The following SYNE2 variants were observed in gnomAD, a reference collection of about 807,000 sequenced individuals.
SYNE2 encodes the protein nesprin-2.
SYNE2 carries 431 observed loss-of-function variants against 856.3 expected under a neutral mutation model. The ratio of observed to expected loss-of-function variants is 0.50; its 90% CI spans 0.47 to 0.55. The LOEUF (loss-of-function observed/expected upper bound fraction) is 0.55. Ranked by LOEUF, SYNE2 falls within the 20% of genes least tolerant of loss-of-function variation. The pLI, the probability that SYNE2 is intolerant of heterozygous loss-of-function variation, is 0.00. For synonymous variants in SYNE2, 2,923 were observed against 2,872.3 expected (o/e 1.02, Z -0.56); for missense variants, 8,129 against 8,023.2 (o/e 1.01, Z -0.50).
chr14:63,783,583 T>C (rs1005156863), intron 1 of SYNE2, among the ~76,000 whole-genome samples: 5 of 152,180 alleles, frequency 3.3e-5, no homozygotes, highest in African/African-American at 7.2e-5. Context: ...TAAACAGATA[T>C]AGTATCACTT....
intron 25 of SYNE2, 53 bp downstream of exon 25, chr14:63,997,444 G>A (rs2096722115): frequency 2.9e-6 from 4 of 1,373,808 alleles, no homozygotes; most frequent in African/African-American, 1.4e-5. Flanking sequence ...AAAAGACCAA[G>A]TGTACAATAA....
intron 83 of SYNE2, 36 bp from the exon 84 acceptor site, chr14:64,146,032 A>G: frequency 6.9e-7 from 1 of 1,445,138 alleles, no homozygotes; most frequent in Non-Finnish European, 9.4e-7. Flanking sequence ...TAAAACATAC[A>G]TTTTAACATT....
chr14:64,070,947 G>A, intron 52 of SYNE2, 37 bp downstream of exon 52: 4 of 1,609,346 alleles, frequency 2.5e-6, no homozygotes, highest in Non-Finnish European at 3.4e-6. Flanking sequence ...ACGTGTGCTT[G>A]ACAATTATGG....
Position 64,024,950 on chromosome 14 carries a change from C to CT in SYNE2, c.5880dup (p.Asn1961Ter). The CT allele has an allele frequency of 2.5e-6, 4 of 1,613,906 alleles. No individual in the cohort carries two copies. Among genetic ancestry groups the CT allele is most frequent in the Non-Finnish European group, 3.4e-6 (4 of 1,179,918 alleles). On this transcript the variant is annotated frameshift_variant, in exon 40 of 116. Transcript: ENST00000555002. LOFTEE classifies it high-confidence loss of function. ...CATAGAAACCTGAGGAAGTGGTTGACTAATCAAGAAGAGAAATGGAAAGGA... is the reference window on the plus strand; with the variant it reads ...CATAGAAACCTGAGGAAGTGGTTGACTTAATCAAGAAGAGAAATGGAAAGGA...
intron 64 of SYNE2, among the ~76,000 whole-genome samples, chr14:64,104,331 T>G (rs1192334506): frequency 6.6e-6 from 1 of 152,120 alleles, no homozygotes; most frequent in Non-Finnish European, 1.5e-5. Context: ...TGTTCTTCCC[T>G]GTCCCTTCTA....
At chr14:63,856,802 C>T (rs11628650) in intron 1 of SYNE2, among the ~76,000 whole-genome samples, 67,243 of 151,900 alleles carry the variant, frequency 0.44, 15,752 homozygotes, top group South Asian at 0.55. Context: ...GACAAGGTCT[C>T]GTTCTATCAC....
At chr14:63,850,723 C>A (rs1346936903), upstream of SYNE2, among the ~76,000 whole-genome samples, 1 of 152,054 alleles carries the variant, frequency 6.6e-6, no homozygotes, top group Non-Finnish European at 1.5e-5. Context: ...ATTAGAGACA[C>A]CTAAAAATAT....
At chr14:64,216,519 G>A (rs759512808) in intron 108 of SYNE2, 132 bp downstream of exon 108, 104 of 1,032,392 alleles carry the variant, frequency 1.0e-4, no homozygotes, top group Non-Finnish European at 1.5e-4. Flanking sequence ...TTCTTATGGT[G>A]ACAGTGTCTC....
At chr14:63,807,357 A>G (rs1401039128) in intron 1 of SYNE2, among the ~76,000 whole-genome samples, 1 of 151,698 alleles carries the variant, frequency 6.6e-6, no homozygotes, top group African/African-American at 2.4e-5. Context: ...AAAAAAAAAA[A>G]AAGTAGGTCT....
chr14:63,824,219 G>T (rs1889333016), intron 1 of SYNE2, among the ~76,000 whole-genome samples: 1 of 152,052 alleles, frequency 6.6e-6, no homozygotes, highest in South Asian at 2.1e-4. Flanking sequence ...TGCATCTGTA[G>T]TCCCAGCTAC....
chr14:63,810,689 A>T (rs1888582195), intron 1 of SYNE2, among the ~76,000 whole-genome samples: 1 of 152,162 alleles, frequency 6.6e-6, no homozygotes, highest in African/African-American at 2.4e-5. Flanking sequence ...CTGTTCTTTA[A>T]TATTTTGTTT....
At position 64,019,128 on chromosome 14, in the gene SYNE2, C is replaced by T. The variant is rs137917358; in HGVS notation, c.5050-864C>T. 5.6e-3 allele frequency among the ~76,000 whole-genome samples: 857 copies of T among 152,132 alleles called. 8 individuals are homozygous for T. Among genetic ancestry groups the T allele is most frequent in the Middle Eastern group, 0.024 (7 of 294 alleles). On this transcript the variant is annotated intron_variant, in intron 34 of 115. Coordinates refer to ENST00000555002, the MANE Select transcript of SYNE2 (RefSeq NM_182914.3). ...TATACTAAAAATACAAAAATATTAG[C>T]TGGGTGTGGTGGTGTGTGCCTTTAA... is the stretch of plus-strand genomic sequence containing the variant.
Position 64,062,882 on chromosome 14 carries a change from T to C in SYNE2, c.10199T>C (p.Leu3400Ser). 6.2e-7 allele frequency: 1 copy of C among 1,614,142 alleles called. No homozygotes were observed. The highest frequency in any genetic ancestry group is 8.5e-7 in the Non-Finnish European group (1 of 1,180,018). ...PLSYREALERLEQSKALVSNL... is the reference protein window; with the variant it reads ...PLSYREALERSEQSKALVSNL... ...TCTTACAGAGAAGCTTTAGAGCGCT[T>C]GGAACAGAGCAAGGTAATAGTATTG... The change falls in exon 50 of 116, where the codon TTG becomes TCG. Residue 3400 changes from leucine to serine, a missense_variant. Leu to Ser is a moderately radical substitution (Grantham distance 145). Around this residue, in one of 3 missense-constraint regions of SYNE2, gnomAD observed 5,410 missense variants for 5,284.8 expected, o/e 1.02. Coordinates refer to ENST00000555002, the MANE Select transcript of SYNE2 (RefSeq NM_182914.3).
upstream of SYNE2, among the ~76,000 whole-genome samples, chr14:63,852,824 A>C (rs1022677172): frequency 3.4e-4 from 52 of 152,006 alleles, no homozygotes; most frequent in African/African-American, 1.2e-3. Context: ...GTCCCAAAAG[A>C]CGGGGAGAAA....
chr14:64,186,710 G>C, intron 97 of SYNE2, 131 bp downstream of exon 97: 1 of 1,194,194 alleles, frequency 8.4e-7, no homozygotes, highest in Non-Finnish European at 1.2e-6. Flanking sequence ...TGGCCCGGCC[G>C]CTGCTCCTTT....
At chr14:63,772,313 C>T (rs1465415320) in intron 1 of SYNE2, among the ~76,000 whole-genome samples, 1 of 152,066 alleles carries the variant, frequency 6.6e-6, no homozygotes, top group East Asian at 1.9e-4. Context: ...GTGGTCATGC[C>T]ACTGTACTCC....
At chr14:64,069,017 A>G (rs2097380919) in intron 51 of SYNE2, among the ~76,000 whole-genome samples, 1 of 152,106 alleles carries the variant, frequency 6.6e-6, no homozygotes, top group African/African-American at 2.4e-5. Flanking sequence ...GGAGTGGTAG[A>G]TGAGGGGAGC....
intron 105 of SYNE2, 196 bp from the exon 106 acceptor site, chr14:64,213,998 T>C: frequency 1.3e-6 from 1 of 744,492 alleles, no homozygotes. Context: ...AAATAACAGA[T>C]TTTAGGCCCC....
intron 97 of SYNE2, 87 bp from the exon 98 acceptor site, chr14:64,188,463 T>A: frequency 6.7e-7 from 1 of 1,484,974 alleles, no homozygotes; most frequent in Non-Finnish European, 9.4e-7. Context: ...CTGATTAAAA[T>A]GAATGAAACT....
Sources: gnomAD v4.1 joint callset for allele counts (sites outside exome capture counted in the v4.1 genomes callset) on GRCh38, gnomAD v4.1.1 for gene constraint, gnomAD v4.1.1 regional missense constraint, MANE v1.5 for transcripts, NCBI Gene and HGNC (gene_info 2026-07-23, HGNC 2026-07-21) for gene names.